Variants in EYS observed in about 807,000 individuals in gnomAD.
The protein encoded by EYS is protein eyes shut homolog.
A neutral mutation model predicts 282.1 loss-of-function variants in EYS; 250 were observed. The observed-to-expected ratio is 0.89, with a 90% CI of 0.80 to 0.98. The LOEUF (loss-of-function observed/expected upper bound fraction) is 0.98, where lower values mean the gene tolerates loss of function less well. Among genes scored for constraint, EYS ranks in the 50% least tolerant of loss-of-function variants. The probability of loss-of-function intolerance (pLI) is 0.00; values close to 1 mark genes in which losing one functional copy is unlikely to be tolerated. For missense variants in EYS, 4,016 were observed against 3,709.0 expected, an observed-to-expected ratio of 1.08 and a Z score of -2.15; for synonymous variants, 1,355 against 1,282.9, an observed-to-expected ratio of 1.06 and a Z score of -1.20.
intron 35 of EYS, among the ~76,000 whole-genome samples, chr6:63,913,103 C>G (rs980873568): frequency 3.3e-5 from 5 of 152,160 alleles, no homozygotes; most frequent in African/African-American, 1.2e-4. Context: ...AGCTTTTTCT[C>G]AGGCTGAACC....
rs542766014 is a variant in EYS, at chr6:65,642,369, C to T, written c.-447-2477G>A. Among the ~76,000 whole-genome samples, 7 of 152,086 alleles carry T rather than the reference C, an allele frequency of 4.6e-5. No homozygotes were observed. The East Asian group carries it at 1.4e-3, about 29-fold the overall frequency. ...ATTATTTGTAGGAATAATTAGAGGA[C>T]TGAGATGAAGGAAAGCCTTCATCCA... On this transcript the variant is annotated intron_variant, in intron 1 of 42. Coordinates refer to ENST00000503581, the MANE Select transcript of EYS (RefSeq NM_001142800.2).
intron 2 of EYS, among the ~76,000 whole-genome samples, chr6:65,574,985 A>G (rs1450671759): frequency 6.6e-6 from 1 of 152,120 alleles, no homozygotes; most frequent in Non-Finnish European, 1.5e-5. Context: ...GAATAGAACT[A>G]TTTGAAAATT....
At chr6:65,545,666 A>G (rs972901348) in intron 2 of EYS, among the ~76,000 whole-genome samples, 4 of 152,186 alleles carry the variant, frequency 2.6e-5, no homozygotes, top group African/African-American at 9.6e-5. Context: ...TCAATTTTCA[A>G]TACAAATGGC....
intron 2 of EYS, among the ~76,000 whole-genome samples, chr6:65,542,998 C>A (rs1474427625): frequency 6.6e-6 from 1 of 151,984 alleles, no homozygotes; most frequent in Non-Finnish European, 1.5e-5. Context: ...AGAATGTGAT[C>A]ACAATTCTCT....
At chr6:63,815,615 G>T (rs1771158753) in intron 36 of EYS, among the ~76,000 whole-genome samples, 1 of 152,060 alleles carries the variant, frequency 6.6e-6, no homozygotes, top group African/African-American at 2.4e-5. Flanking sequence ...TAACTACTTT[G>T]CAGTGTCAAG....
At chr6:65,181,396 A>G (rs1198784361) in intron 12 of EYS, among the ~76,000 whole-genome samples, 1 of 152,196 alleles carries the variant, frequency 6.6e-6, no homozygotes, top group Non-Finnish European at 1.5e-5. Flanking sequence ...AAATGGGTGA[A>G]GGATATGAAC....
chr6:65,101,786 T>C (rs1774899348), intron 12 of EYS, among the ~76,000 whole-genome samples: 1 of 151,216 alleles, frequency 6.6e-6, no homozygotes, highest in African/African-American at 2.4e-5. Context: ...AGTCCCTAGT[T>C]ATCCACTTGG....
chr6:64,723,252 C>A (rs918166039), intron 22 of EYS, among the ~76,000 whole-genome samples: 4 of 152,150 alleles, frequency 2.6e-5, no homozygotes, highest in Admixed American at 2.6e-4. Flanking sequence ...TTGTCAGTCA[C>A]ATGTGCATTT....
At chr6:63,964,542 A>G (rs1766216348) in intron 35 of EYS, among the ~76,000 whole-genome samples, 1 of 152,218 alleles carries the variant, frequency 6.6e-6, no homozygotes, top group African/African-American at 2.4e-5. Flanking sequence ...GGTAGTTCAT[A>G]TGCAAAACAT....
chr6:64,499,149 C>T (rs1435265560), intron 26 of EYS, among the ~76,000 whole-genome samples: 1 of 152,112 alleles, frequency 6.6e-6, no homozygotes, highest in Admixed American at 6.5e-5. Flanking sequence ...TTAATGGTCA[C>T]CATTCTAACT....
At chr6:65,652,116 T>C (rs542234429) in intron 1 of EYS, among the ~76,000 whole-genome samples, 42 of 151,970 alleles carry the variant, frequency 2.8e-4, no homozygotes, top group African/African-American at 9.9e-4. Flanking sequence ...TAGCTCAAAC[T>C]AGAGGGAAGC....
At chr6:64,349,976 G>C (rs564412108) in intron 29 of EYS, among the ~76,000 whole-genome samples, 1 of 151,432 alleles carries the variant, frequency 6.6e-6, no homozygotes, top group Non-Finnish European at 1.5e-5. Flanking sequence ...TTTTGCTAAT[G>C]ATAGTTCACT....
At chr6:65,143,121 G>A (rs1319639373) in intron 12 of EYS, among the ~76,000 whole-genome samples, 1 of 151,874 alleles carries the variant, frequency 6.6e-6, no homozygotes, top group African/African-American at 2.4e-5. Context: ...GACCAAAACA[G>A]TACTAGTGTC....
chr6:65,489,951 G>A (rs1221607591), intron 5 of EYS: 1 of 152,130 alleles, frequency 6.6e-6, no homozygotes, highest in Non-Finnish European at 1.5e-5. Context: ...ACACAGGAAG[G>A]GGAACATTAC....
chr6:65,006,637 G>A (rs894823507), intron 13 of EYS, among the ~76,000 whole-genome samples: 1 of 151,974 alleles, frequency 6.6e-6, no homozygotes, highest in African/African-American at 2.4e-5. Flanking sequence ...ATTTCCTAAT[G>A]GGGGATTTAA....
intron 4 of EYS, among the ~76,000 whole-genome samples, chr6:65,491,008 T>C (rs959304806): frequency 1.3e-5 from 2 of 152,082 alleles, no homozygotes; most frequent in Non-Finnish European, 2.9e-5. Context: ...TGATAGATAA[T>C]ATTCATATAT....
At chr6:64,481,340 G>A (rs942429870) in intron 26 of EYS, among the ~76,000 whole-genome samples, 26 of 148,500 alleles carry the variant, frequency 1.8e-4, no homozygotes, top group Non-Finnish European at 3.1e-4. Context: ...TGATAAAATA[G>A]TACAAACTCT....
chr6:64,668,838 A>G (rs1273159198), intron 22 of EYS, among the ~76,000 whole-genome samples: 2 of 151,968 alleles, frequency 1.3e-5, no homozygotes, highest in Non-Finnish European at 2.9e-5. Flanking sequence ...AAGTGCTGGT[A>G]TTACAGGTGT....
intron 1 of EYS, among the ~76,000 whole-genome samples, chr6:65,698,397 T>C (rs1386878600): frequency 6.6e-6 from 1 of 152,176 alleles, no homozygotes; most frequent in Non-Finnish European, 1.5e-5. Flanking sequence ...GTGGGTCCTA[T>C]ATAATTAATG....
Sources: allele counts gnomAD v4.1 joint callset (sites outside exome capture counted in the v4.1 genomes callset), GRCh38; gene constraint gnomAD v4.1.1; transcripts MANE v1.5; gene names NCBI Gene and HGNC (gene_info 2026-07-23, HGNC 2026-07-21).